TTYH1: variants seen among roughly 807,000 people sequenced by gnomAD.
The protein encoded by TTYH1 is protein tweety homolog 1.
A neutral mutation model predicts 61.2 loss-of-function variants in TTYH1; 33 were observed. The ratio of observed to expected loss-of-function variants is 0.54; its 90% CI spans 0.41 to 0.72. TTYH1 has a LOEUF of 0.72. Ranked by LOEUF, TTYH1 falls within the 30% of genes least tolerant of loss-of-function variation. TTYH1 has a pLI of 0.00. For missense variants in TTYH1, 538 were observed against 575.8 expected (o/e 0.93, Z 0.67); for synonymous variants, 308 against 266.4 (o/e 1.16, Z -1.52).
chr19:54,432,747 G>A (rs1347672216), intron 10 of TTYH1: 1 of 152,210 alleles, frequency 6.6e-6, no homozygotes, highest in Non-Finnish European at 1.5e-5. Flanking sequence ...TACGCCCGGT[G>A]CAATGCTGGG....
At chr19:54,423,585 C>T (rs2083263102) in intron 4 of TTYH1, among the ~76,000 whole-genome samples, 1 of 152,208 alleles carries the variant, frequency 6.6e-6, no homozygotes, top group Non-Finnish European at 1.5e-5. Context: ...AGTTACTTTG[C>T]AGACCTCTGC....
rs758937211 is a variant in TTYH1, at chr19:54,431,102, C to A, written c.1036C>A (p.Pro346Thr). The change falls in exon 10 of 14, where the codon CCT becomes ACT. Residue 346 changes from proline to threonine, a missense_variant. Pro to Thr is a conservative substitution (Grantham distance 38). Around this residue, in one of 3 missense-constraint regions of TTYH1, gnomAD observed 378 missense variants for 401.2 expected, o/e 0.94. Transcript: ENST00000376530. ...AVPQFPSAQK[P>T]LLSLEETLNV... ...ACGACCCCTCCTCGCCCCGCAGAAG[C>A]CTCTGCTGTCCTTGGAGGAGACTCT... The A allele has an allele frequency of 6.2e-7, 1 of 1,612,740 alleles. No individual in the cohort carries two copies. Among genetic ancestry groups the A allele is most frequent in the Admixed American group, 1.7e-5 (1 of 60,016 alleles).
In TTYH1 at chr19:54,419,647, C is replaced by T. The variant is rs1569252072; in HGVS notation, c.305+341C>T. 1.7e-6 allele frequency: 1 copy of T among 578,110 alleles called. No individual in the cohort carries two copies. Among genetic ancestry groups the T allele is most frequent in the Non-Finnish European group, 3.3e-6 (1 of 304,908 alleles). The allele number at this position is 578,110 out of a possible 1,614,324, so 35.8% of individuals were successfully genotyped here. On this transcript the variant is annotated intron_variant, in intron 2 of 13. Coordinates refer to ENST00000376530, the MANE Select transcript of TTYH1 (RefSeq NM_020659.4). This position sits in a 1 kb window ranked among gnomAD's most constrained non-coding sequence, Gnocchi z 6.1. ...TAGTCTCCCTGGGCCTCAATTTCCA[C>T]ATCTGTAAACTGGGCATTATCATCT...
Position 54,429,983 on chromosome 19 carries a change from C to G in TTYH1, c.883+26C>G. On this transcript the variant is annotated intron_variant, in intron 7 of 13. Coordinates refer to ENST00000376530, the MANE Select transcript of TTYH1 (RefSeq NM_020659.4). This position sits in a 1 kb window ranked among gnomAD's most constrained non-coding sequence, Gnocchi z 5.1. Reference sequence around the variant, plus strand: ...GTGATTTCCAAGGGCCCGGTGGGTCCGCCGGGTTGGGCAGTGCAGGCCCTG... The same window carrying G: ...GTGATTTCCAAGGGCCCGGTGGGTCGGCCGGGTTGGGCAGTGCAGGCCCTG... 1 of 1,607,350 alleles carries G rather than the reference C, an allele frequency of 6.2e-7. No individual in the cohort carries two copies. The highest frequency in any genetic ancestry group is 1.1e-5 in the South Asian group (1 of 90,892).
Position 54,429,616 on chromosome 19 carries a change from GCTGGGGGT to G in TTYH1, c.807+242_807+249del, listed in dbSNP as rs1421075301. On this transcript the variant is annotated intron_variant, in intron 6 of 13. Transcript: ENST00000376530. This position sits in a 1 kb window ranked among gnomAD's most constrained non-coding sequence, Gnocchi z 5.1. ...GATTCCTAGGTCTGAGGGAGGAGGG[GCTGGGGGT>G]CTGGACTCCTGGGTGTGAGGGAGGA... Among the ~76,000 whole-genome samples, 1 of 151,998 alleles carries G rather than the reference GCTGGGGGT, an allele frequency of 6.6e-6. No homozygotes were observed. Among genetic ancestry groups the G allele is most frequent in the Non-Finnish European group, 1.5e-5 (1 of 67,970 alleles).
intron 1 of TTYH1, among the ~76,000 whole-genome samples, chr19:54,417,968 CCA>C (rs1406018583): frequency 2.0e-5 from 3 of 151,574 alleles, no homozygotes; most frequent in Non-Finnish European, 4.4e-5. Flanking sequence ...ATAAAAACAT[CCA>C]GTCTCAACCA....
chr19:54,427,167 T>C (rs1279497157), intron 5 of TTYH1, among the ~76,000 whole-genome samples: 1 of 149,202 alleles, frequency 6.7e-6, no homozygotes, highest in Admixed American at 6.7e-5. Flanking sequence ...TGTGGTGGCA[T>C]GCGCCTGTAG....
At position 54,416,196 on chromosome 19, in the gene TTYH1, T is replaced by C; in HGVS notation, c.126+518T>C. The C allele has an allele frequency of 1.6e-6, 1 of 632,010 alleles. No individual in the cohort carries two copies. Among genetic ancestry groups the C allele is most frequent in the South Asian group, 1.6e-5 (1 of 62,160 alleles). 39.2% of individuals were successfully genotyped at this position (632,010 alleles called of 1,614,324 possible). A position where few individuals can be genotyped will look rare whatever the true frequency, so the allele number is the denominator to read the frequency against. ...AAATGGGGAAGGGGGCTTCAGGGGC[T>C]GAGGACCAGGGCTGGAAAATGAAGG... On this transcript the variant is annotated intron_variant, in intron 1 of 13. Coordinates refer to ENST00000376530, the MANE Select transcript of TTYH1 (RefSeq NM_020659.4). The surrounding 1 kb of genome is among the most constrained non-coding windows in gnomAD (Gnocchi z 7.0).
chr19:54,422,928 C>CAAAAAA (rs573699988), intron 4 of TTYH1, among the ~76,000 whole-genome samples: 11 of 85,376 alleles, frequency 1.3e-4, no homozygotes, highest in South Asian at 4.5e-4. Flanking sequence ...GACTCCATCT[C>CAAAAAA]AAAAAAAAAA....
chr19:54,422,452 A>G lies in TTYH1; in HGVS notation c.638+42A>G, dbSNP rs184726907. 1.3e-3 allele frequency: 1,931 copies of G among 1,464,230 alleles called. 11 individuals are homozygous for G. In the East Asian group the frequency reaches 0.018, roughly 14 times the overall value. The allele number at this position is 1,464,230 out of a possible 1,614,324, so 90.7% of individuals were successfully genotyped here. On this transcript the variant is annotated intron_variant, in intron 4 of 13. Coordinates refer to ENST00000376530, the MANE Select transcript of TTYH1 (RefSeq NM_020659.4). ...CTTGCTCTCTGTGCCGGCAGCTCTC[A>G]GGCGGAGTCCCCGGGGGGACAGTTG...
chr19:54,419,399 A>C lies in TTYH1; in HGVS notation c.305+93A>C. 7.4e-7 allele frequency: 1 copy of C among 1,351,456 alleles called. No individual in the cohort carries two copies. Among genetic ancestry groups the C allele is most frequent in the Non-Finnish European group, 1.0e-6 (1 of 977,030 alleles). The allele number at this position is 1,351,456 out of a possible 1,614,324, so 83.7% of individuals were successfully genotyped here. A position where few individuals can be genotyped will look rare whatever the true frequency, so the allele number is the denominator to read the frequency against. On this transcript the variant is annotated intron_variant, in intron 2 of 13. Coordinates refer to ENST00000376530, the MANE Select transcript of TTYH1 (RefSeq NM_020659.4). The surrounding 1 kb of genome is among the most constrained non-coding windows in gnomAD (Gnocchi z 6.1). ...GGGGTGTCCTCCGGGGACATGGAGGAAGCAGACAGGAAGGAGGAAACTCCC... is the reference window on the plus strand; with the variant it reads ...GGGGTGTCCTCCGGGGACATGGAGGCAGCAGACAGGAAGGAGGAAACTCCC...
chr19:54,435,775 C>T (rs990923907), intron 11 of TTYH1, 53 bp from the exon 12 acceptor site: 65 of 1,613,234 alleles, frequency 4.0e-5, no homozygotes, highest in Non-Finnish European at 5.1e-5. Context: ...GGGGTGCAGC[C>T]TCCTGATGGG....
Position 54,422,256 on chromosome 19 carries a change from C to T in TTYH1, c.484C>T (p.Leu162Phe). The change falls in exon 4 of 14, where the codon CTC (leucine) becomes TTC (phenylalanine). Residue 162 changes from leucine (L) to phenylalanine (F), a missense_variant. By Grantham distance (22) the Leu-to-Phe change is conservative. This residue lies in a region of TTYH1 where 378 missense variants were observed against 401.2 expected (regional missense o/e 0.94). Transcript: ENST00000376530. ...AGAGCTGACCACCCTGGAGGAGGTGCTCGAGCCGCGCACGGAGCTGGTGGC... is the reference window on the plus strand; with the variant it reads ...AGAGCTGACCACCCTGGAGGAGGTGTTCGAGCCGCGCACGGAGCTGGTGGC... ...RTELTTLEEV[L>F]EPRTELVAAA... The T allele has an allele frequency of 6.4e-7, 1 of 1,565,640 alleles. No individual in the cohort carries two copies. The highest frequency in any genetic ancestry group is 8.7e-7 in the Non-Finnish European group (1 of 1,155,514).
chr19:54,424,349 A>G (rs982129156), intron 4 of TTYH1, among the ~76,000 whole-genome samples: 3 of 152,142 alleles, frequency 2.0e-5, no homozygotes, highest in Non-Finnish European at 2.9e-5. Flanking sequence ...TCATTCATTC[A>G]TTCATTCATT....
Position 54,426,662 on chromosome 19 carries a change from T to A in TTYH1, c.639-11T>A, listed in dbSNP as rs2083325231. On this transcript the variant is annotated splice_polypyrimidine_tract_variant and intron_variant, in intron 4 of 13. Coordinates refer to ENST00000376530, the MANE Select transcript of TTYH1 (RefSeq NM_020659.4). Reference sequence around the variant, plus strand: ...GGTTTGTGGTTTCAGCCCTACCCTCTCCCCTCCCAGGTGGCTGGCCTACGT... The same window carrying A: ...GGTTTGTGGTTTCAGCCCTACCCTCACCCCTCCCAGGTGGCTGGCCTACGT... 1.9e-6 allele frequency: 3 copies of A among 1,612,216 alleles called. No homozygotes were observed. The highest frequency in any genetic ancestry group is 2.5e-6 in the Non-Finnish European group (3 of 1,178,808).
At chr19:54,417,648 C>T (rs1030569263) in intron 1 of TTYH1, among the ~76,000 whole-genome samples, 4 of 151,944 alleles carry the variant, frequency 2.6e-5, no homozygotes, top group African/African-American at 9.7e-5. Context: ...TGCTTACACA[C>T]TCATGCATGC....
In TTYH1 at chr19:54,430,807, C is replaced by T. The variant is rs1408702589; in HGVS notation, c.940-6C>T. Reference sequence around the variant, plus strand: ...GGTCCTCCTCCCTCCCTTTCTCTTTCTGCAGAGGCTGACTCTGTCCCAGCG... The same window carrying T: ...GGTCCTCCTCCCTCCCTTTCTCTTTTTGCAGAGGCTGACTCTGTCCCAGCG... On this transcript the variant is annotated splice_region_variant and splice_polypyrimidine_tract_variant and intron_variant, in intron 8 of 13. Transcript: ENST00000376530. 1 of 1,613,418 alleles carries T rather than the reference C, an allele frequency of 6.2e-7. No individual in the cohort carries two copies. Among genetic ancestry groups the T allele is most frequent in the Non-Finnish European group, 8.5e-7 (1 of 1,179,766 alleles).
At chr19:54,422,167 C>T (rs1339208648) in intron 3 of TTYH1, 23 bp from the exon 4 acceptor site, 3 of 1,534,554 alleles carry the variant, frequency 2.0e-6, no homozygotes, top group African/African-American at 2.7e-5. Context: ...CCTTCCAGAC[C>T]TCAGCCCCTG....
In TTYH1 at chr19:54,419,433, G is replaced by C; in HGVS notation, c.305+127G>C. On this transcript the variant is annotated intron_variant, in intron 2 of 13. Coordinates refer to ENST00000376530, the MANE Select transcript of TTYH1 (RefSeq NM_020659.4). This position sits in a 1 kb window ranked among gnomAD's most constrained non-coding sequence, Gnocchi z 6.1. ...GGAAGGAGGAAACTCCCTCGTCCCT[G>C]TCCCTGCCATTTGCAAGCCCACTTC... 9.7e-7 allele frequency: 1 copy of C among 1,034,820 alleles called. No homozygotes were observed. The highest frequency in any genetic ancestry group is 1.5e-6 in the Non-Finnish European group (1 of 689,318). 64.1% of individuals were successfully genotyped at this position (1,034,820 alleles called of 1,614,324 possible). A position where few individuals can be genotyped will look rare whatever the true frequency, so the allele number is the denominator to read the frequency against.
Sources: gnomAD v4.1 joint callset for allele counts (sites outside exome capture counted in the v4.1 genomes callset) on GRCh38, gnomAD v4.1.1 for gene constraint, gnomAD v4.1.1 regional missense constraint, Gnocchi (gnomAD v3.1) non-coding constraint, MANE v1.5 for transcripts, NCBI Gene and HGNC (gene_info 2026-07-23, HGNC 2026-07-21) for gene names.